The following FSTL4 variants were observed in gnomAD, a reference collection of about 807,000 sequenced individuals.
FSTL4 encodes the protein follistatin like 4, also known as follistatin-related protein 4.
Under a neutral mutation model 78.2 loss-of-function variants are expected in FSTL4, and 28 were observed. That is an observed-to-expected ratio of 0.36 (90% confidence interval 0.27 to 0.49). FSTL4 has a LOEUF of 0.49. Among genes scored for constraint, FSTL4 ranks in the 20% least tolerant of loss-of-function variants. The pLI, the probability that FSTL4 is intolerant of heterozygous loss-of-function variation, is 0.98. For synonymous variants in FSTL4, 422 were observed against 440.5 expected (o/e 0.96, Z 0.53); for missense variants, 922 against 1,084.9 (o/e 0.85, Z 2.11).
intron 3 of FSTL4, among the ~76,000 whole-genome samples, chr5:133,429,189 A>T (rs1756886496): frequency 6.6e-6 from 1 of 152,072 alleles, no homozygotes; most frequent in Admixed American, 6.5e-5. Context: ...TGCTCGTAGG[A>T]CGCCCACAGC....
intron 12 of FSTL4, among the ~76,000 whole-genome samples, chr5:133,219,496 C>T (rs1256282326): frequency 3.9e-5 from 6 of 152,212 alleles, no homozygotes; most frequent in African/African-American, 1.4e-4. Flanking sequence ...CATCACGCTG[C>T]CTCCTTCTGG....
intron 4 of FSTL4, among the ~76,000 whole-genome samples, chr5:133,356,297 G>A (rs1281494662): frequency 6.6e-6 from 1 of 152,196 alleles, no homozygotes; most frequent in African/African-American, 2.4e-5. Context: ...CATGGCTTGT[G>A]GGCGCCAAGA....
At chr5:133,281,494 T>C (rs1317422727) in intron 6 of FSTL4, among the ~76,000 whole-genome samples, 1 of 152,098 alleles carries the variant, frequency 6.6e-6, no homozygotes, top group Non-Finnish European at 1.5e-5. Context: ...ATGAGAAAAC[T>C]GAGACTCAGA....
chr5:133,763,629 G>C, the FSTL4 span, among the ~76,000 whole-genome samples: 3 of 152,158 alleles, frequency 2.0e-5, no homozygotes, highest in East Asian at 5.8e-4. Flanking sequence ...CTGGGCCTTT[G>C]TTTCCCCAAG....
At chr5:133,487,556 G>T (rs1758162114) in intron 3 of FSTL4, among the ~76,000 whole-genome samples, 2 of 152,186 alleles carry the variant, frequency 1.3e-5, no homozygotes, top group South Asian at 4.1e-4. Flanking sequence ...AAATGTAGAA[G>T]CTGTACCCCA....
chr5:133,589,071 G>A (rs1160052333), intron 2 of FSTL4, among the ~76,000 whole-genome samples: 1 of 34,158 alleles, frequency 2.9e-5, no homozygotes, highest in Non-Finnish European at 6.3e-5. Context: ...TCACTCATAG[G>A]TGGGAATTGA....
chr5:133,769,127 C>A, the FSTL4 span, among the ~76,000 whole-genome samples: 1 of 152,228 alleles, frequency 6.6e-6, no homozygotes, highest in South Asian at 2.1e-4. Context: ...GTACCTAAAT[C>A]TTCTTGATTC....
chr5:133,294,500 C>T (rs1753342957), intron 6 of FSTL4, among the ~76,000 whole-genome samples: 1 of 152,232 alleles, frequency 6.6e-6, no homozygotes, highest in Non-Finnish European at 1.5e-5. Flanking sequence ...CCTGCTGACT[C>T]TGGGTTATGC....
At chr5:133,658,691 T>C in the FSTL4 span, among the ~76,000 whole-genome samples, 1 of 152,150 alleles carries the variant, frequency 6.6e-6, no homozygotes, top group Admixed American at 6.5e-5. Flanking sequence ...TGTTTCCCCT[T>C]TGAATTTTTT....
the FSTL4 span, among the ~76,000 whole-genome samples, chr5:133,737,417 G>T: frequency 6.6e-6 from 1 of 152,046 alleles, no homozygotes. Context: ...TTCCATCCAC[G>T]TTGTTGCAAA....
chr5:133,833,029 G>A, the FSTL4 span, among the ~76,000 whole-genome samples: 1 of 152,072 alleles, frequency 6.6e-6, no homozygotes, highest in African/African-American at 2.4e-5. Flanking sequence ...AAATGTGAAA[G>A]GTCAGATTTG....
intron 3 of FSTL4, among the ~76,000 whole-genome samples, chr5:133,536,298 T>A (rs974528213): frequency 6.6e-6 from 1 of 152,248 alleles, no homozygotes; most frequent in African/African-American, 2.4e-5. Context: ...ATTTATTTAT[T>A]TATTCAGATT....
chr5:133,619,595 A>G, the FSTL4 span, among the ~76,000 whole-genome samples: 1 of 152,186 alleles, frequency 6.6e-6, no homozygotes, highest in African/African-American at 2.4e-5. Context: ...TCAGCAGTTG[A>G]AGTCTCCTGA....
At chr5:133,563,583 A>T (rs1156985807) in intron 3 of FSTL4, among the ~76,000 whole-genome samples, 1 of 152,220 alleles carries the variant, frequency 6.6e-6, no homozygotes, top group Non-Finnish European at 1.5e-5. Flanking sequence ...TATTCTTATT[A>T]TTGCTGTCAC....
chr5:133,284,482 G>A (rs1753082669), intron 6 of FSTL4, among the ~76,000 whole-genome samples: 1 of 152,232 alleles, frequency 6.6e-6, no homozygotes, highest in South Asian at 2.1e-4. Context: ...TAGTTTTGCT[G>A]CTGACGCCCT....
the FSTL4 span, among the ~76,000 whole-genome samples, chr5:133,740,329 GC>G: frequency 6.6e-6 from 1 of 152,254 alleles, no homozygotes; most frequent in Non-Finnish European, 1.5e-5. Flanking sequence ...CTTAAGGCCT[GC>G]CCCTGGCCCC....
At chr5:133,513,323 C>T (rs1438231887) in intron 3 of FSTL4, among the ~76,000 whole-genome samples, 1 of 152,098 alleles carries the variant, frequency 6.6e-6, no homozygotes, top group East Asian at 1.9e-4. Flanking sequence ...TTATTAATTG[C>T]TATATGAGGA....
At chr5:133,261,957 A>C (rs1205405623) in intron 6 of FSTL4, among the ~76,000 whole-genome samples, 1 of 151,518 alleles carries the variant, frequency 6.6e-6, no homozygotes, top group Non-Finnish European at 1.5e-5. Flanking sequence ...GCGCCACTGG[A>C]CTCCAACCTG....
At chr5:133,816,035 C>T in the FSTL4 span, among the ~76,000 whole-genome samples, 10 of 152,308 alleles carry the variant, frequency 6.6e-5, no homozygotes, top group South Asian at 4.1e-4. Context: ...TAGAGTTAAG[C>T]GGGCTCTGGA....
Sources: allele counts gnomAD v4.1 joint callset (sites outside exome capture counted in the v4.1 genomes callset), GRCh38; gene constraint gnomAD v4.1.1; transcripts MANE v1.5; gene names NCBI Gene and HGNC (gene_info 2026-07-23, HGNC 2026-07-21).